ZNF160: variants seen among roughly 807,000 people sequenced by gnomAD.
ZNF160 encodes the protein zinc finger protein 160, also known as KRAB zinc finger protein KR18.
A neutral mutation model predicts 13.1 loss-of-function variants in ZNF160; 9 were observed. The observed-to-expected ratio is 0.69, with a 90% confidence interval of 0.41 to 1.20. The LOEUF is 1.20. Ranked by LOEUF, ZNF160 falls within the 50% of genes most tolerant of loss-of-function variation. The pLI is 0.01. For synonymous variants in ZNF160, 293 were observed against 333.2 expected, an observed-to-expected ratio of 0.88 and a Z score of 1.31; for missense variants, 838 against 988.0, an observed-to-expected ratio of 0.85 and a Z score of 2.04.
chr19:53,071,737 T>C (rs2145493035), intron 5 of ZNF160, among the ~76,000 whole-genome samples: 1 of 152,206 alleles, frequency 6.6e-6, no homozygotes, highest in East Asian at 1.9e-4. Flanking sequence ...TTGTGAATCC[T>C]ATGTTAGCCA....
chr19:53,086,867 AG>A (rs1268212227), intron 2 of ZNF160, among the ~76,000 whole-genome samples: 1 of 152,222 alleles, frequency 6.6e-6, no homozygotes, highest in Admixed American at 6.5e-5. Flanking sequence ...AGCTCCACTG[AG>A]GGGGTGAGCC....
intron 2 of ZNF160, among the ~76,000 whole-genome samples, chr19:53,090,395 T>A (rs2084990939): frequency 6.6e-6 from 1 of 152,184 alleles, no homozygotes; most frequent in Admixed American, 6.5e-5. Context: ...TCCCCACCCA[T>A]CCTCTGCGTT....
At chr19:53,080,336 T>C (rs2084582363) in intron 3 of ZNF160, among the ~76,000 whole-genome samples, 1 of 152,142 alleles carries the variant, frequency 6.6e-6, no homozygotes, top group South Asian at 2.1e-4. Context: ...CGACCTCAGG[T>C]GATCCGCCTG....
At position 53,096,825 on chromosome 19, in the gene ZNF160, G is replaced by A. The variant is rs2085257051; in HGVS notation, c.-353-5105C>T. The stretch of plus-strand genomic sequence containing the variant: ...TTCCCATCATAGAGAGGACAACGGG[G>A]AAAGGGAGAAGCGTGTGCATAGGAT... On this transcript the variant is annotated intron_variant, in intron 1 of 5. Coordinates refer to ENST00000683776, the MANE Select transcript of ZNF160 (RefSeq NM_001322131.2). Among the ~76,000 whole-genome samples, 2 of 129,084 alleles carry A rather than the reference G, an allele frequency of 1.5e-5. 1 individual carries two copies. Among genetic ancestry groups the A allele is most frequent in the African/African-American group, 6.0e-5 (2 of 33,244 alleles). 84.7% of individuals were successfully genotyped at this position (129,084 alleles called of 152,430 possible). A position where few individuals can be genotyped will look rare whatever the true frequency, so the allele number is the denominator to read the frequency against.
chr19:53,097,573 G>T (rs531007350), intron 1 of ZNF160, among the ~76,000 whole-genome samples: 108 of 152,262 alleles, frequency 7.1e-4, no homozygotes, highest in African/African-American at 2.6e-3. Context: ...CCAGGGCAAC[G>T]TATTTCCACT....
intron 3 of ZNF160, chr19:53,075,455 G>A (rs992498657): frequency 1.0e-5 from 4 of 389,430 alleles, no homozygotes; most frequent in South Asian, 6.8e-5. Context: ...GATGGAGGGC[G>A]GTCACCGGAA....
chr19:53,073,577 C>A, intron 5 of ZNF160: 1 of 1,501,612 alleles, frequency 6.7e-7, no homozygotes, highest in Non-Finnish European at 8.8e-7. Flanking sequence ...ACTATGGAGG[C>A]TTCCCCTCTG....
At chr19:53,079,512 T>A (rs1392306845) in intron 3 of ZNF160, among the ~76,000 whole-genome samples, 2 of 143,880 alleles carry the variant, frequency 1.4e-5, no homozygotes. Flanking sequence ...GCCACTGCAC[T>A]GCGCTCCAGC....
At chr19:53,080,722 C>A (rs1568488679) in intron 3 of ZNF160, among the ~76,000 whole-genome samples, 1 of 152,130 alleles carries the variant, frequency 6.6e-6, no homozygotes, top group Admixed American at 6.6e-5. Context: ...GAAAAAACTT[C>A]TAAAATGTAT....
chr19:53,094,774 CATCCCCGGCT>C lies in ZNF160; in HGVS notation c.-353-3064_-353-3055del, dbSNP rs1600909076. Reference sequence around the variant, plus strand: ...TTATTAACTGAAAATAAGCAGGAAGCATCCCCGGCTAATTTCAATTAGCTGAAACTTTATT... The same window carrying C: ...TTATTAACTGAAAATAAGCAGGAAGCAATTTCAATTAGCTGAAACTTTATT... On this transcript the variant is annotated intron_variant, in intron 1 of 5. Transcript: ENST00000683776. 2.6e-5 allele frequency among the ~76,000 whole-genome samples: 4 copies of C among 152,294 alleles called. No homozygotes were observed. In the East Asian group the frequency reaches 7.7e-4, roughly 29 times the overall value.
At chr19:53,092,313 AT>A (rs113329786) in intron 1 of ZNF160, among the ~76,000 whole-genome samples, 17 of 149,910 alleles carry the variant, frequency 1.1e-4, no homozygotes, top group African/African-American at 2.4e-4. Flanking sequence ...TTGATAGGGT[AT>A]TTTTTTTTTC....
At chr19:53,086,373 T>C in intron 2 of ZNF160, 52 bp from the exon 3 acceptor site, 1 of 1,481,282 alleles carries the variant, frequency 6.8e-7, no homozygotes, top group Non-Finnish European at 9.0e-7. Context: ...ATCCAAAATA[T>C]GCTGCTTAGG....
At chr19:53,075,256 G>A in intron 3 of ZNF160, 73 bp from the exon 4 acceptor site, 1 of 1,570,068 alleles carries the variant, frequency 6.4e-7, no homozygotes, top group African/African-American at 1.4e-5. Context: ...GAGAAGAGGA[G>A]AAAAATGTGA....
At chr19:53,094,086 C>T (rs2085131187) in intron 1 of ZNF160, among the ~76,000 whole-genome samples, 2 of 152,186 alleles carry the variant, frequency 1.3e-5, no homozygotes, top group South Asian at 2.1e-4. Flanking sequence ...CATCCGAAAG[C>T]TTCTTGATCT....
intron 3 of ZNF160, chr19:53,085,751 A>C: frequency 2.6e-6 from 1 of 382,076 alleles, no homozygotes; most frequent in South Asian, 4.9e-5. Context: ...TCAGTGTCTA[A>C]ACTTTCCATT....
chr19:53,073,704 T>C (rs2145544071), intron 5 of ZNF160, among the ~76,000 whole-genome samples: 1 of 152,298 alleles, frequency 6.6e-6, no homozygotes, highest in East Asian at 1.9e-4. Context: ...GTGTTGTCCA[T>C]CATGATAAAG....
intron 2 of ZNF160, among the ~76,000 whole-genome samples, chr19:53,089,424 C>T (rs1453101882): frequency 6.6e-6 from 1 of 152,130 alleles, no homozygotes; most frequent in Non-Finnish European, 1.5e-5. Flanking sequence ...TCATATAATA[C>T]TAAATATTAT....
intron 2 of ZNF160, among the ~76,000 whole-genome samples, chr19:53,088,689 C>T (rs1393026409): frequency 6.6e-6 from 1 of 152,136 alleles, no homozygotes; most frequent in Non-Finnish European, 1.5e-5. Context: ...CATTGGAGAT[C>T]TGTTCAGAGA....
intron 1 of ZNF160, chr19:53,095,544 C>T (rs1478483314): frequency 2.0e-5 from 3 of 152,074 alleles, no homozygotes; most frequent in East Asian, 3.9e-4. Flanking sequence ...TGAACCCTCC[C>T]CTTGATTTGG....
Sources: gnomAD v4.1 joint callset for allele counts (sites outside exome capture counted in the v4.1 genomes callset) on GRCh38, gnomAD v4.1.1 for gene constraint, MANE v1.5 for transcripts, NCBI Gene and HGNC (gene_info 2026-07-23, HGNC 2026-07-21) for gene names.